The following RYR3 variants were observed in gnomAD, a reference collection of about 807,000 sequenced individuals.
RYR3 encodes the protein brain ryanodine receptor-calcium release channel.
RYR3 carries 207 observed loss-of-function variants against 584.3 expected under a neutral mutation model. The ratio of observed to expected loss-of-function variants is 0.35; its 90% CI spans 0.32 to 0.40. The LOEUF (loss-of-function observed/expected upper bound fraction) is 0.40. Ranked by LOEUF, RYR3 falls within the 10% of genes least tolerant of loss-of-function variation. RYR3 has a pLI of 1.00. For missense variants in RYR3, 5,616 were observed against 6,089.2 expected (o/e 0.92, Z 2.59); for synonymous variants, 2,416 against 2,248.5 (o/e 1.07, Z -2.11).
At chr15:33,347,124 C>T (rs1972556017) in intron 1 of RYR3, among the ~76,000 whole-genome samples, 1 of 152,140 alleles carries the variant, frequency 6.6e-6, no homozygotes, top group Admixed American at 6.5e-5. Flanking sequence ...CCTTGATCAC[C>T]TGGCTGACAT....
At chr15:33,755,277 A>C in intron 58 of RYR3, 97 bp downstream of exon 58, 1 of 790,558 alleles carries the variant, frequency 1.3e-6, no homozygotes, top group Non-Finnish European at 2.1e-6. Context: ...ATTTAGGTGC[A>C]TGATTTTAGG....
chr15:33,634,218 A>C (rs1010098699), intron 24 of RYR3, among the ~76,000 whole-genome samples: 6 of 151,874 alleles, frequency 4.0e-5, no homozygotes, highest in African/African-American at 1.5e-4. Context: ...CATCGAGCTA[A>C]TTTTTGTATT....
intron 27 of RYR3, among the ~76,000 whole-genome samples, chr15:33,641,484 T>C (rs918666390): frequency 1.3e-5 from 2 of 152,250 alleles, no homozygotes; most frequent in African/African-American, 2.4e-5. Flanking sequence ...ACAAGATTTT[T>C]AAATGCCTCA....
intron 2 of RYR3, among the ~76,000 whole-genome samples, chr15:33,492,634 C>T (rs1179978977): frequency 1.3e-5 from 2 of 152,156 alleles, no homozygotes; most frequent in Non-Finnish European, 2.9e-5. Flanking sequence ...GTTCACTTCC[C>T]ATCCTGGGTC....
At chr15:33,857,055 C>G (rs1345212841) in intron 98 of RYR3, among the ~76,000 whole-genome samples, 1 of 152,132 alleles carries the variant, frequency 6.6e-6, no homozygotes, top group Non-Finnish European at 1.5e-5. Flanking sequence ...CACAATGTAT[C>G]CCTCCTCACA....
rs558791374 is a variant in RYR3, at chr15:33,413,162, C to T, written c.52-60257C>T. Among the ~76,000 whole-genome samples the T allele has an allele frequency of 7.2e-5, 11 of 152,230 alleles. No individual in the cohort carries two copies. In the East Asian group the frequency reaches 7.7e-4, roughly 11 times the overall value. The stretch of plus-strand genomic sequence containing the variant: ...GCTTCTAGGAGAGGCCTTGTTATGC[C>T]GTTTGAGAAAAGGGAGGGAGCTTGC... On this transcript the variant is annotated intron_variant, in intron 1 of 103. Coordinates refer to ENST00000634891, the MANE Select transcript of RYR3 (RefSeq NM_001036.6).
chr15:33,487,761 A>G (rs1193975949), intron 2 of RYR3, among the ~76,000 whole-genome samples: 6 of 152,208 alleles, frequency 3.9e-5, no homozygotes, highest in African/African-American at 1.4e-4. Flanking sequence ...ATATTCATCC[A>G]TATGCAACTT....
chr15:33,502,810 T>G (rs1353671199), intron 2 of RYR3, among the ~76,000 whole-genome samples: 2 of 152,218 alleles, frequency 1.3e-5, no homozygotes, highest in Non-Finnish European at 2.9e-5. Flanking sequence ...GCAGGCGACC[T>G]AAACTCACTG....
In RYR3 at chr15:33,390,026, T is replaced by G. The variant is rs2041890825; in HGVS notation, c.51+78930T>G. Among the ~76,000 whole-genome samples, 1 of 152,240 alleles carries G rather than the reference T, an allele frequency of 6.6e-6. No individual in the cohort carries two copies. Among genetic ancestry groups the G allele is most frequent in the Non-Finnish European group, 1.5e-5 (1 of 68,052 alleles). On this transcript the variant is annotated intron_variant, in intron 1 of 103. Coordinates refer to ENST00000634891, the MANE Select transcript of RYR3 (RefSeq NM_001036.6). The surrounding 1 kb of genome is among the most constrained non-coding windows in gnomAD (Gnocchi z 4.2). ...TAGGCTATGCTGATTAGTTTCCAAT[T>G]TCTATCATTTCAGGTATGTAAATTA...
intron 94 of RYR3, chr15:33,851,770 G>A (rs936068953): frequency 6.6e-6 from 1 of 152,132 alleles, no homozygotes; most frequent in African/African-American, 2.4e-5. Flanking sequence ...TGATTTAAGA[G>A]AAAGGAGGTA....
At chr15:33,765,021 A>C (rs1222003877) in intron 60 of RYR3, among the ~76,000 whole-genome samples, 3 of 90,650 alleles carry the variant, frequency 3.3e-5, no homozygotes, top group Non-Finnish European at 6.0e-5. Flanking sequence ...ACAGAGCAAG[A>C]CTTCGTCTCA....
chr15:33,493,175 G>A (rs778319027), intron 2 of RYR3, among the ~76,000 whole-genome samples: 7 of 151,356 alleles, frequency 4.6e-5, no homozygotes, highest in Admixed American at 6.6e-5. Context: ...TGTTTCTGCC[G>A]ATCCTACCTC....
intron 36 of RYR3, among the ~76,000 whole-genome samples, chr15:33,664,562 T>C (rs2063362651): frequency 7.3e-6 from 1 of 137,542 alleles, no homozygotes; most frequent in South Asian, 2.5e-4. Flanking sequence ...TATACACATA[T>C]ATATATAGAT....
At chr15:33,826,197 CATG>C in intron 82 of RYR3, 52 bp from the exon 83 acceptor site, 1 of 1,554,376 alleles carries the variant, frequency 6.4e-7, no homozygotes, top group Non-Finnish European at 8.9e-7. Context: ...GACAGTTTAT[CATG>C]ATGTTTACAG....
At chr15:33,788,171 A>G in intron 66 of RYR3, 47 bp from the exon 67 acceptor site, 2 of 1,608,464 alleles carry the variant, frequency 1.2e-6, no homozygotes, top group Non-Finnish European at 1.7e-6. Flanking sequence ...CATTTTCATC[A>G]ATTGCCATAA....
At chr15:33,857,541 G>A (rs2079820306) in intron 98 of RYR3, among the ~76,000 whole-genome samples, 1 of 152,002 alleles carries the variant, frequency 6.6e-6, no homozygotes, top group Non-Finnish European at 1.5e-5. Context: ...ACACAATTCA[G>A]CCCCCAACAC....
intron 10 of RYR3, among the ~76,000 whole-genome samples, chr15:33,556,102 C>A (rs775182980): frequency 1.3e-5 from 2 of 152,190 alleles, no homozygotes; most frequent in Non-Finnish European, 2.9e-5. Flanking sequence ...TGGGCTCCAC[C>A]TTCCCATATC....
At chr15:33,621,994 T>G (rs1249706104) in intron 19 of RYR3, among the ~76,000 whole-genome samples, 1 of 152,074 alleles carries the variant, frequency 6.6e-6, no homozygotes, top group Non-Finnish European at 1.5e-5. Context: ...ATACACTCAG[T>G]CCATGAGCAA....
intron 1 of RYR3, among the ~76,000 whole-genome samples, chr15:33,405,459 T>C (rs1209435472): frequency 1.3e-5 from 2 of 152,184 alleles, no homozygotes; most frequent in African/African-American, 4.8e-5. Context: ...CTTGCTTTGA[T>C]AGTAGAAAGA....
Sources: allele counts gnomAD v4.1 joint callset (sites outside exome capture counted in the v4.1 genomes callset), GRCh38; gene constraint gnomAD v4.1.1; non-coding constraint Gnocchi (gnomAD v3.1); transcripts MANE v1.5; gene names NCBI Gene and HGNC (gene_info 2026-07-23, HGNC 2026-07-21).